C8orf34: variants seen among roughly 807,000 people sequenced by gnomAD.
C8orf34 encodes the protein chromosome 8 open reading frame 34.
A neutral mutation model predicts 68.3 loss-of-function variants in C8orf34; 65 were observed. The observed-to-expected ratio is 0.95, with a 90% CI of 0.78 to 1.17. The LOEUF is 1.17. Ranked by LOEUF, C8orf34 falls within the 50% of genes most tolerant of loss-of-function variation. The pLI is 0.00. For missense variants in C8orf34, 664 were observed against 655.4 expected, an observed-to-expected ratio of 1.01 and a Z score of -0.14; for synonymous variants, 244 against 241.2, an observed-to-expected ratio of 1.01 and a Z score of -0.11.
chr8:68,808,710 G>GCATTTTTTATAAGGGACTGTGC (rs1824557575), intron 12 of C8orf34, among the ~76,000 whole-genome samples: 1 of 152,014 alleles, frequency 6.6e-6, no homozygotes, highest in East Asian at 1.9e-4. Flanking sequence ...AGGGACTTGA[G>GCATTTTTTATAAGGGACTGTGC]CATTTTTTAT....
At chr8:68,607,615 T>G (rs1817893561) in intron 7 of C8orf34, among the ~76,000 whole-genome samples, 1 of 152,006 alleles carries the variant, frequency 6.6e-6, no homozygotes, top group South Asian at 2.1e-4. Context: ...TGGGGAAAAA[T>G]TTTTCAGCCC....
intron 11 of C8orf34, among the ~76,000 whole-genome samples, chr8:68,781,167 A>AT (rs1029033399): frequency 6.6e-5 from 10 of 151,974 alleles, no homozygotes; most frequent in South Asian, 2.1e-4. Context: ...CAAAGAAGTA[A>AT]TTTTTTTTTC....
intron 5 of C8orf34, among the ~76,000 whole-genome samples, chr8:68,491,207 GAAATA>G (rs1449954928): frequency 2.0e-5 from 3 of 151,122 alleles, no homozygotes; most frequent in Middle Eastern, 3.5e-3. Flanking sequence ...TTAAAATAAA[GAAATA>G]AAATGAAACA....
chr8:68,371,405 TTTAAG>T (rs1364171141), intron 1 of C8orf34, among the ~76,000 whole-genome samples: 2 of 151,962 alleles, frequency 1.3e-5, no homozygotes, highest in African/African-American at 2.4e-5. Context: ...AAATTGAAAA[TTTAAG>T]TTAGATATTT....
chr8:68,419,877 G>T (rs1220710455), intron 1 of C8orf34, among the ~76,000 whole-genome samples: 3 of 149,502 alleles, frequency 2.0e-5, no homozygotes, highest in Admixed American at 6.7e-5. Flanking sequence ...TACCTAATGC[G>T]AGATGACGAG....
At chr8:68,357,637 C>T (rs1450097350) in intron 1 of C8orf34, among the ~76,000 whole-genome samples, 2 of 152,278 alleles carry the variant, frequency 1.3e-5, no homozygotes, top group South Asian at 2.1e-4. Flanking sequence ...ATCTATTCTG[C>T]ATAAGGCTGG....
At chr8:68,383,003 G>A (rs901855569) in intron 1 of C8orf34, among the ~76,000 whole-genome samples, 1 of 152,158 alleles carries the variant, frequency 6.6e-6, no homozygotes, top group African/African-American at 2.4e-5. Flanking sequence ...GATCAGAAGA[G>A]TGCTGTCTTT....
chr8:68,682,682 A>C (rs906526000), intron 8 of C8orf34, among the ~76,000 whole-genome samples: 2 of 152,162 alleles, frequency 1.3e-5, no homozygotes, highest in Admixed American at 6.6e-5. Flanking sequence ...GTTATATTTC[A>C]GAGTGACATA....
At chr8:68,377,831 G>T (rs920064318) in intron 1 of C8orf34, among the ~76,000 whole-genome samples, 1 of 152,054 alleles carries the variant, frequency 6.6e-6, no homozygotes, top group African/African-American at 2.4e-5. Context: ...CAGCATGGCT[G>T]GGGAGGCCTC....
At position 68,640,413 on chromosome 8, in the gene C8orf34, C is replaced by T; in HGVS notation, c.1143C>T (p.Thr381=). Residue 381 remains threonine, a synonymous_variant, in exon 8 of 14, where the codon ACC becomes ACT. Coordinates refer to ENST00000518698, the MANE Select transcript of C8orf34 (RefSeq NM_052958.4). ...LNDLRMEGVT[T]LVPSGSKFNQ... is the part of the protein sequence containing the mutation. ...ATTTAAGAATGGAGGGAGTAACAAC[C>T]CTGGTACCTTCTGGGAGCAAATTTA... is the stretch of plus-strand genomic sequence containing the variant. The T allele has an allele frequency of 6.2e-7, 1 of 1,613,544 alleles. No homozygotes were observed. Among genetic ancestry groups the T allele is most frequent in the South Asian group, 1.1e-5 (1 of 91,066 alleles).
At chr8:68,498,048 G>C (rs557279239) in intron 5 of C8orf34, among the ~76,000 whole-genome samples, 2 of 152,016 alleles carry the variant, frequency 1.3e-5, no homozygotes, top group Admixed American at 6.6e-5. Context: ...GGCTGCTCTC[G>C]ACCTCCCGAC....
intron 8 of C8orf34, among the ~76,000 whole-genome samples, chr8:68,643,433 G>A (rs918211265): frequency 2.0e-5 from 3 of 152,158 alleles, no homozygotes; most frequent in Non-Finnish European, 2.9e-5. Context: ...CTTGATTAGT[G>A]TCTTAGTCTA....
chr8:68,476,662 G>A (rs1331533147), intron 4 of C8orf34, among the ~76,000 whole-genome samples: 4 of 152,180 alleles, frequency 2.6e-5, no homozygotes, highest in African/African-American at 9.7e-5. Flanking sequence ...TACATATTCA[G>A]TAGATTTGGG....
At chr8:68,427,120 T>G (rs181167042) in intron 1 of C8orf34, among the ~76,000 whole-genome samples, 140 of 152,222 alleles carry the variant, frequency 9.2e-4, no homozygotes, top group Non-Finnish European at 8.8e-4. Context: ...ACTCTGAAAA[T>G]AATTTGGTGG....
intron 7 of C8orf34, among the ~76,000 whole-genome samples, chr8:68,613,341 GTGCAGGT>G (rs748626561): frequency 0.028 from 4,259 of 151,828 alleles, 192 homozygotes; most frequent in African/African-American, 0.097. Context: ...TGTGCACAAT[GTGCAGGT>G]TAGTTACATA....
chr8:68,604,091 C>T (rs919029856), intron 7 of C8orf34, among the ~76,000 whole-genome samples: 2 of 151,926 alleles, frequency 1.3e-5, no homozygotes, highest in African/African-American at 4.8e-5. Flanking sequence ...GTATGGAAAG[C>T]ACTATTTAGA....
chr8:68,375,385 T>C (rs555256978), intron 1 of C8orf34, among the ~76,000 whole-genome samples: 37 of 152,306 alleles, frequency 2.4e-4, no homozygotes, highest in Admixed American at 3.9e-4. Flanking sequence ...GTTCAAAAGC[T>C]GAAACAAAAA....
At chr8:68,690,648 C>T (rs1820660233) in intron 8 of C8orf34, among the ~76,000 whole-genome samples, 1 of 151,850 alleles carries the variant, frequency 6.6e-6, no homozygotes, top group South Asian at 2.1e-4. Flanking sequence ...ACATAATCAC[C>T]TCATAAAGGC....
chr8:68,766,654 T>G (rs1485658194), intron 10 of C8orf34, among the ~76,000 whole-genome samples: 2 of 152,204 alleles, frequency 1.3e-5, no homozygotes, highest in Non-Finnish European at 2.9e-5. Flanking sequence ...TAGGCACATA[T>G]CTTGGAGATA....
Sources: gnomAD v4.1 joint callset for allele counts (sites outside exome capture counted in the v4.1 genomes callset) on GRCh38, gnomAD v4.1.1 for gene constraint, MANE v1.5 for transcripts, NCBI Gene and HGNC (gene_info 2026-07-23, HGNC 2026-07-21) for gene names.